The following RAB27A variants were observed in gnomAD, a reference collection of about 807,000 sequenced individuals.
RAB27A encodes RAB27A, member RAS oncogene family, also known as ras-related protein Rab-27A.
Under a neutral mutation model 20.8 loss-of-function variants are expected in RAB27A, and 17 were observed. The observed-to-expected ratio is 0.82, with a 90% CI of 0.56 to 1.23. The LOEUF (loss-of-function observed/expected upper bound fraction) is 1.23, where lower values mean the gene tolerates loss of function less well. RAB27A is among the 50% of genes most tolerant of loss of function. The probability of loss-of-function intolerance (pLI) is 0.00; values close to 1 mark genes in which losing one functional copy is unlikely to be tolerated. For synonymous variants in RAB27A, 85 were observed against 92.8 expected (o/e 0.92, Z 0.48); for missense variants, 277 against 266.7 (o/e 1.04, Z -0.27).
At chr15:55,219,074 T>C (rs1051518962) in intron 6 of RAB27A, among the ~76,000 whole-genome samples, 1 of 151,976 alleles carries the variant, frequency 6.6e-6, no homozygotes, top group Non-Finnish European at 1.5e-5. Flanking sequence ...TCTATTTTCC[T>C]CAACTCTGAA....
chr15:55,213,845 T>C (rs1156352413), intron 6 of RAB27A, among the ~76,000 whole-genome samples: 1 of 152,224 alleles, frequency 6.6e-6, no homozygotes, highest in Non-Finnish European at 1.5e-5. Context: ...TATTTCATTA[T>C]ATATGGCAAT....
intron 2 of RAB27A, among the ~76,000 whole-genome samples, chr15:55,263,733 T>C (rs943446658): frequency 6.6e-6 from 1 of 152,108 alleles, no homozygotes. Flanking sequence ...TTCTAGCTAA[T>C]AATTTAGGAC....
At chr15:55,245,807 T>G (rs1048507255) in intron 2 of RAB27A, among the ~76,000 whole-genome samples, 7 of 152,288 alleles carry the variant, frequency 4.6e-5, no homozygotes, top group Middle Eastern at 3.4e-3. Flanking sequence ...TAAATACTGT[T>G]GAATTAAATA....
chr15:55,282,051 GGCACTTGGATATTTCT>G (rs1243804261), intron 1 of RAB27A, among the ~76,000 whole-genome samples: 1 of 152,180 alleles, frequency 6.6e-6, no homozygotes, highest in Non-Finnish European at 1.5e-5. Flanking sequence ...GCACAGAGCA[GGCACTTGGATATTTCT>G]GCACTGCTTT....
intron 2 of RAB27A, among the ~76,000 whole-genome samples, chr15:55,243,647 TTC>T (rs937156633): frequency 9.2e-5 from 14 of 152,042 alleles, no homozygotes; most frequent in African/African-American, 3.1e-4. Context: ...AAACATTATT[TTC>T]TCTGACATCA....
chr15:55,212,355 A>C (rs1268365259), intron 6 of RAB27A, among the ~76,000 whole-genome samples: 1 of 152,120 alleles, frequency 6.6e-6, no homozygotes, highest in Non-Finnish European at 1.5e-5. Context: ...GATTTTCAAA[A>C]TAAATAAATC....
Position 55,205,435 on chromosome 15 carries a change from G to A in RAB27A, c.*72C>T. On this transcript the variant is annotated 3_prime_UTR_variant, in exon 7 of 7. Transcript: ENST00000336787. Reference sequence around the variant, plus strand: ...ACACAATGCCCATTAATCTCTCACTGTGCCATGTATCAATCATAGAGAAGA... The same window carrying A: ...ACACAATGCCCATTAATCTCTCACTATGCCATGTATCAATCATAGAGAAGA... 3 of 1,459,744 alleles carry A rather than the reference G, an allele frequency of 2.1e-6. No individual in the cohort carries two copies. The highest frequency in any genetic ancestry group is 2.3e-5 in the East Asian group (1 of 44,172). The allele number at this position is 1,459,744 out of a possible 1,614,324, so 90.4% of individuals were successfully genotyped here.
Position 55,298,401 on chromosome 15 carries a change from C to T in RAB27A, c.-112+15638G>A, listed in dbSNP as rs553855733. Among the ~76,000 whole-genome samples the T allele has an allele frequency of 2.6e-5, 4 of 152,204 alleles. No homozygotes were observed. In the East Asian group the frequency reaches 7.7e-4, roughly 29 times the overall value. On this transcript the variant is annotated intron_variant, in intron 2 of 5. Coordinates refer to the RAB27A transcript ENST00000563262. ...GGTAGGTTCCGTGATGCCCCACGAG[C>T]TGCAAAAACCACCAAGTTTTTATTA...
intron 3 of RAB27A, among the ~76,000 whole-genome samples, chr15:55,231,911 C>T (rs376654488): frequency 6.8e-6 from 1 of 146,748 alleles, no homozygotes; most frequent in Admixed American, 6.8e-5. Context: ...ACAACAACAA[C>T]AAAAAAAAAA....
intron 2 of RAB27A, among the ~76,000 whole-genome samples, chr15:55,250,517 T>C (rs538481980): frequency 6.6e-6 from 1 of 152,336 alleles, no homozygotes; most frequent in Admixed American, 6.5e-5. Context: ...TTTAAGGAAG[T>C]ACATGTGAAC....
upstream of RAB27A, among the ~76,000 whole-genome samples, chr15:55,290,662 C>G (rs1898284793): frequency 6.6e-6 from 1 of 152,238 alleles, no homozygotes; most frequent in Non-Finnish European, 1.5e-5. Flanking sequence ...CGGTGTCGCT[C>G]CGGCCTGCGG....
chr15:55,248,663 G>T (rs1434769128), intron 2 of RAB27A, among the ~76,000 whole-genome samples: 3 of 152,100 alleles, frequency 2.0e-5, no homozygotes, highest in Non-Finnish European at 4.4e-5. Flanking sequence ...TAAAATATTA[G>T]TATCTATAAA....
intron 2 of RAB27A, chr15:55,248,938 A>T (rs1196901423): frequency 6.6e-6 from 1 of 152,236 alleles, no homozygotes; most frequent in African/African-American, 2.4e-5. Context: ...GAACCAAAAA[A>T]AAAGGAAACT....
chr15:55,239,521 G>C (rs879777800), intron 2 of RAB27A, among the ~76,000 whole-genome samples: 1 of 152,142 alleles, frequency 6.6e-6, no homozygotes, highest in Admixed American at 6.5e-5. Flanking sequence ...TTCGAGTACA[G>C]TAAAGGATTG....
At chr15:55,302,770 C>T (rs1350091915) in intron 2 of RAB27A, among the ~76,000 whole-genome samples, 17 of 138,098 alleles carry the variant, frequency 1.2e-4, no homozygotes, top group African/African-American at 3.5e-4. Flanking sequence ...GCCGAGACCC[C>T]GTCTGGGAGG....
rs72742269 is a variant in RAB27A at position 55,253,660 on chromosome 15, T to G, written c.-23+16505A>C. Among the ~76,000 whole-genome samples the G allele has an allele frequency of 3.1e-3, 474 of 152,006 alleles. 1 individual carries two copies. Among genetic ancestry groups the G allele is most frequent in the Middle Eastern group, 6.8e-3 (2 of 294 alleles). ...TCTTAACATGCCTCTGAGAAAGATA[T>G]TTGAAGCCTAGAGGTTAAGAACATA... On this transcript the variant is annotated intron_variant, in intron 2 of 6. Transcript: ENST00000336787.
intron 2 of RAB27A, among the ~76,000 whole-genome samples, chr15:55,255,366 T>C (rs1897041617): frequency 6.6e-6 from 1 of 152,218 alleles, no homozygotes; most frequent in Non-Finnish European, 1.5e-5. Flanking sequence ...CTGCCACTTT[T>C]AAGTACTCCA....
chr15:55,235,005 T>A, intron 2 of RAB27A, 49 bp from the exon 3 acceptor site: 2 of 1,387,374 alleles, frequency 1.4e-6, no homozygotes, highest in Non-Finnish European at 2.0e-6. Context: ...TAGAAAACAT[T>A]AATTATCCAT....
At chr15:55,260,978 C>T (rs922391738) in intron 2 of RAB27A, among the ~76,000 whole-genome samples, 2 of 148,976 alleles carry the variant, frequency 1.3e-5, no homozygotes, top group South Asian at 2.1e-4. Context: ...AACAAACGTA[C>T]CACTCTGGTA....
Sources: gnomAD v4.1 joint callset for allele counts (sites outside exome capture counted in the v4.1 genomes callset) on GRCh38, gnomAD v4.1.1 for gene constraint, MANE v1.5 for transcripts, NCBI Gene and HGNC (gene_info 2026-07-23, HGNC 2026-07-21) for gene names.